RTF2: variants seen among roughly 807,000 people sequenced by gnomAD.
RTF2 encodes UPF0549 protein C20orf43.
In RTF2, 18 loss-of-function variants were observed where a neutral mutation model predicts 38.0. The ratio of observed to expected loss-of-function variants is 0.47; its 90% CI spans 0.33 to 0.70. RTF2 has a LOEUF of 0.70. RTF2 is among the 30% of genes least tolerant of loss of function. RTF2 has a pLI of 0.02. For synonymous variants in RTF2, 126 were observed against 137.1 expected (o/e 0.92, Z 0.57); for missense variants, 311 against 379.6 (o/e 0.82, Z 1.50).
chr20:56,510,981 T>C (rs1432705443), intron 5 of RTF2, among the ~76,000 whole-genome samples: 2 of 151,616 alleles, frequency 1.3e-5, no homozygotes, highest in Admixed American at 6.5e-5. Context: ...TGACTATGAG[T>C]ATGTTCCATA....
chr20:56,486,557 G>T (rs755407090), intron 5 of RTF2, among the ~76,000 whole-genome samples: 4 of 152,134 alleles, frequency 2.6e-5, no homozygotes, highest in Non-Finnish European at 5.9e-5. Context: ...GCTGAGGCAG[G>T]AGAATTGCTT....
chr20:56,513,452 C>T, intron 6 of RTF2, 24 bp downstream of exon 6: 1 of 1,555,644 alleles, frequency 6.4e-7, no homozygotes, highest in Non-Finnish European at 8.7e-7. Flanking sequence ...TCAGGTTCCG[C>T]CCAGCCCCCA....
intron 5 of RTF2, among the ~76,000 whole-genome samples, chr20:56,502,396 C>T (rs1421737883): frequency 1.3e-5 from 2 of 152,296 alleles, no homozygotes; most frequent in Middle Eastern, 3.4e-3. Context: ...CTTCCTCTCC[C>T]GACTCCCAAC....
intron 5 of RTF2, among the ~76,000 whole-genome samples, chr20:56,487,207 A>G (rs1490461588): frequency 1.3e-5 from 2 of 152,158 alleles, no homozygotes; most frequent in Admixed American, 1.3e-4. Context: ...GTAAAACCTC[A>G]CTGTCTGCCG....
At chr20:56,489,459 A>G (rs567319774) in intron 5 of RTF2, among the ~76,000 whole-genome samples, 1 of 152,318 alleles carries the variant, frequency 6.6e-6, no homozygotes, top group East Asian at 1.9e-4. Flanking sequence ...TGTGTGACGT[A>G]AGGTCATGTA....
chr20:56,514,615 A>T (rs1157089596), intron 6 of RTF2, among the ~76,000 whole-genome samples: 1 of 152,160 alleles, frequency 6.6e-6, no homozygotes, highest in Non-Finnish European at 1.5e-5. Flanking sequence ...ACCCTGGAAT[A>T]ATGTGTAATT....
chr20:56,492,577 A>T lies in RTF2; in HGVS notation c.477+8388A>T, dbSNP rs185449942. ...TGTAATTTAAAAAAAAATTTTTTTT[A>T]AAGTGGGAATTAGAGTTGGAATCCA... On this transcript the variant is annotated intron_variant, in intron 5 of 8. Coordinates refer to ENST00000357348, the MANE Select transcript of RTF2 (RefSeq NM_016407.5). 4.1e-3 allele frequency among the ~76,000 whole-genome samples: 623 copies of T among 151,352 alleles called. 3 individuals carry two copies. The highest frequency in any genetic ancestry group is 0.014 in the African/African-American group (568 of 41,316).
At position 56,512,487 on chromosome 20, in the gene RTF2, A is replaced by G. The variant is rs115511906; in HGVS notation, c.478-828A>G. ...CAGCATGGTCACAGGGAGCCTCTGC[A>G]GAGGTGGCTCACTCACTGACAGCTC... On this transcript the variant is annotated intron_variant, in intron 5 of 8. Coordinates refer to ENST00000357348, the MANE Select transcript of RTF2 (RefSeq NM_016407.5). 5.2e-3 allele frequency among the ~76,000 whole-genome samples: 798 copies of G among 152,246 alleles called. 6 individuals carry two copies. The highest frequency in any genetic ancestry group is 0.017 in the African/African-American group (724 of 41,528).
chr20:56,510,095 G>A (rs1027660391), intron 5 of RTF2, among the ~76,000 whole-genome samples: 48 of 152,156 alleles, frequency 3.2e-4, no homozygotes, highest in African/African-American at 1.2e-3. Flanking sequence ...ACTGAGGAAA[G>A]GGGAATGGAG....
chr20:56,515,575 C>CAGAGAGAGAGAGAGAGAG (rs58977063), intron 6 of RTF2: 20 of 130,400 alleles, frequency 1.5e-4, no homozygotes, highest in African/African-American at 6.0e-4. Flanking sequence ...CTGTCTCAGA[C>CAGAGAGAGAGAGAGAGAG]AGAGAGAGAG....
At chr20:56,492,292 G>T (rs1983203373) in intron 5 of RTF2, among the ~76,000 whole-genome samples, 1 of 151,338 alleles carries the variant, frequency 6.6e-6, no homozygotes, top group Non-Finnish European at 1.5e-5. Flanking sequence ...TGGTCAGGCT[G>T]GTCTCAAACT....
chr20:56,515,283 A>G (rs893989605), intron 6 of RTF2, among the ~76,000 whole-genome samples: 5 of 152,118 alleles, frequency 3.3e-5, no homozygotes, highest in African/African-American at 1.2e-4. Flanking sequence ...AAAAAACACA[A>G]AAGGGCAGCC....
At position 56,513,456 on chromosome 20, in the gene RTF2, G is replaced by GCC. The variant is rs1309030338; in HGVS notation, c.591+32_591+33dup. The GCC allele has an allele frequency of 2.6e-6, 4 of 1,555,746 alleles. No homozygotes were observed. In the African/African-American group the frequency reaches 5.7e-5, roughly 22 times the overall value. ...AATGGGAGTCTTCAGGTTCCGCCCAGCCCCCATCTCTGCTCCAGAGCCGAC... is the reference window on the plus strand; with the variant it reads ...AATGGGAGTCTTCAGGTTCCGCCCAGCCCCCCCATCTCTGCTCCAGAGCCGAC... On this transcript the variant is annotated intron_variant, in intron 6 of 8. Transcript: ENST00000357348.
At chr20:56,507,781 T>C (rs1483514185) in intron 5 of RTF2, among the ~76,000 whole-genome samples, 2 of 152,168 alleles carry the variant, frequency 1.3e-5, no homozygotes, top group Middle Eastern at 6.3e-3. Flanking sequence ...CTTTACGTCA[T>C]AGCCACAGCT....
intron 5 of RTF2, among the ~76,000 whole-genome samples, chr20:56,498,416 A>T (rs771010528): frequency 1.2e-3 from 182 of 152,124 alleles, no homozygotes; most frequent in Non-Finnish European, 2.2e-3. Flanking sequence ...TAAAAAACTT[A>T]AAAATTAGCC....
At chr20:56,468,913 A>T (rs1362468510) in intron 1 of RTF2, 147 bp downstream of exon 1, 3 of 649,658 alleles carry the variant, frequency 4.6e-6, no homozygotes, top group Admixed American at 2.9e-5. Flanking sequence ...AAAATTAACA[A>T]CAGTATTAAG....
intron 5 of RTF2, among the ~76,000 whole-genome samples, chr20:56,487,111 A>G (rs1285252335): frequency 1.3e-5 from 2 of 152,120 alleles, no homozygotes; most frequent in Non-Finnish European, 2.9e-5. Context: ...CCATAATAGT[A>G]CCCATCTGTT....
intron 1 of RTF2, among the ~76,000 whole-genome samples, chr20:56,469,365 G>A (rs192824207): frequency 3.9e-5 from 6 of 152,110 alleles, no homozygotes; most frequent in Admixed American, 2.6e-4. Context: ...TAAATATTTC[G>A]AATAAACAAA....
chr20:56,473,208 G>T lies in RTF2; in HGVS notation c.70-93G>T, dbSNP rs1003250769. The T allele has an allele frequency of 3.3e-6, 3 of 895,990 alleles. No homozygotes were observed. In the South Asian group the frequency reaches 4.2e-5, roughly 12 times the overall value. 55.5% of individuals were successfully genotyped at this position (895,990 alleles called of 1,614,324 possible). ...GATTTAAAAAACAAAAATCATTACA[G>T]TGCGGTATTACTGAATATACTTTTA... On this transcript the variant is annotated intron_variant, in intron 1 of 8. Coordinates refer to ENST00000357348, the MANE Select transcript of RTF2 (RefSeq NM_016407.5).
Sources: gnomAD v4.1 joint callset for allele counts (sites outside exome capture counted in the v4.1 genomes callset) on GRCh38, gnomAD v4.1.1 for gene constraint, MANE v1.5 for transcripts, NCBI Gene and HGNC (gene_info 2026-07-23, HGNC 2026-07-21) for gene names.